CNTN5: variants seen among roughly 807,000 people sequenced by gnomAD.
The protein encoded by CNTN5 is contactin-5.
In CNTN5, 77 loss-of-function variants were observed where a neutral mutation model predicts 129.1. The ratio of observed to expected loss-of-function variants is 0.60; its 90% CI spans 0.50 to 0.72. The LOEUF is 0.72. CNTN5 is among the 30% of genes least tolerant of loss of function. The probability of loss-of-function intolerance (pLI) is 0.00; values close to 1 mark genes in which losing one functional copy is unlikely to be tolerated. For synonymous variants in CNTN5, 509 were observed against 465.6 expected, an observed-to-expected ratio of 1.09 and a Z score of -1.20; for missense variants, 1,478 against 1,328.8, an observed-to-expected ratio of 1.11 and a Z score of -1.75.
intron 9 of CNTN5, among the ~76,000 whole-genome samples, chr11:100,007,013 T>C (rs566050862): frequency 7.9e-5 from 12 of 152,228 alleles, no homozygotes; most frequent in Non-Finnish European, 1.6e-4. Context: ...GGTAATGAGA[T>C]GCATTGTCAA....
chr11:99,838,294 T>C (rs767784136), intron 4 of CNTN5, among the ~76,000 whole-genome samples: 4 of 152,216 alleles, frequency 2.6e-5, no homozygotes, highest in Non-Finnish European at 5.9e-5. Flanking sequence ...TTCTGAAAGC[T>C]TATGGCCCTA....
chr11:99,765,072 A>G (rs973591049), intron 3 of CNTN5, among the ~76,000 whole-genome samples: 2 of 152,082 alleles, frequency 1.3e-5, no homozygotes, highest in South Asian at 4.1e-4. Flanking sequence ...GCAGTTTTTT[A>G]CTTGTTAGAT....
At position 99,648,918 on chromosome 11, in the gene CNTN5, A is replaced by T. The variant is rs543290991; in HGVS notation, c.55+92649A>T. Among the ~76,000 whole-genome samples the T allele has an allele frequency of 2.6e-5, 4 of 151,876 alleles. No homozygotes were observed. The South Asian group carries it at 8.3e-4, about 31-fold the overall frequency. ...TTGAGAATGGTAGGAAGAAGCAGGGAGGGGGATAGGGAGAAATTTGTTAAA... is the reference window on the plus strand; with the variant it reads ...TTGAGAATGGTAGGAAGAAGCAGGGTGGGGGATAGGGAGAAATTTGTTAAA... On this transcript the variant is annotated intron_variant, in intron 3 of 24. Coordinates refer to ENST00000524871, the MANE Select transcript of CNTN5 (RefSeq NM_014361.4).
At chr11:100,043,791 C>A (rs905409417) in intron 9 of CNTN5, among the ~76,000 whole-genome samples, 3 of 152,142 alleles carry the variant, frequency 2.0e-5, no homozygotes, top group Non-Finnish European at 4.4e-5. Context: ...TGACTATGTT[C>A]TCTTAATACT....
At chr11:100,130,073 C>A (rs181325774) in intron 13 of CNTN5, among the ~76,000 whole-genome samples, 17 of 152,198 alleles carry the variant, frequency 1.1e-4, no homozygotes, top group African/African-American at 3.6e-4. Flanking sequence ...AAGCAAGTAA[C>A]CTCTGTTCTC....
intron 8 of CNTN5, among the ~76,000 whole-genome samples, chr11:99,959,123 C>A (rs967207426): frequency 2.6e-5 from 4 of 152,072 alleles, no homozygotes; most frequent in African/African-American, 9.7e-5. Context: ...TTGGCAAAAC[C>A]CCAACTCCAG....
intron 21 of CNTN5, among the ~76,000 whole-genome samples, chr11:100,330,088 A>G (rs1257119534): frequency 6.6e-6 from 1 of 152,200 alleles, no homozygotes; most frequent in East Asian, 1.9e-4. Context: ...ATGATACAGA[A>G]TGTGAAGGAG....
At chr11:100,182,914 A>AC (rs398039561) in intron 13 of CNTN5, among the ~76,000 whole-genome samples, 3 of 151,910 alleles carry the variant, frequency 2.0e-5, no homozygotes, top group South Asian at 2.1e-4. Context: ...TAAAAAAAAA[A>AC]CTCTAAATCT....
At chr11:100,278,492 A>G (rs1591467026) in intron 18 of CNTN5, among the ~76,000 whole-genome samples, 1 of 152,056 alleles carries the variant, frequency 6.6e-6, no homozygotes, top group East Asian at 1.9e-4. Context: ...GTATTGCATC[A>G]GTTTTACAGT....
At chr11:99,395,281 C>T (rs1022297309) in intron 2 of CNTN5, among the ~76,000 whole-genome samples, 2 of 151,938 alleles carry the variant, frequency 1.3e-5, no homozygotes, top group Non-Finnish European at 2.9e-5. Flanking sequence ...TTGCATTTCT[C>T]TAATGATCGG....
intron 15 of CNTN5, among the ~76,000 whole-genome samples, chr11:100,222,534 T>G (rs547973438): frequency 4.6e-5 from 7 of 152,070 alleles, no homozygotes; most frequent in Non-Finnish European, 8.8e-5. Flanking sequence ...AGTTATTAAT[T>G]ACAGGAATGT....
At chr11:99,372,092 G>A (rs1939862195) in intron 2 of CNTN5, among the ~76,000 whole-genome samples, 1 of 152,340 alleles carries the variant, frequency 6.6e-6, no homozygotes, top group Non-Finnish European at 1.5e-5. Flanking sequence ...GCTGAAACAA[G>A]CACAGCCTTC....
intron 12 of CNTN5, among the ~76,000 whole-genome samples, chr11:100,072,669 T>G (rs1386605413): frequency 6.6e-6 from 1 of 152,202 alleles, no homozygotes; most frequent in African/African-American, 2.4e-5. Flanking sequence ...ATCTCAGGAA[T>G]CTTGGAGCCC....
chr11:100,077,973 C>T (rs1944208102), intron 13 of CNTN5, among the ~76,000 whole-genome samples: 1 of 152,104 alleles, frequency 6.6e-6, no homozygotes, highest in Admixed American at 6.6e-5. Flanking sequence ...AAAATATAAT[C>T]TAATCATCTG....
chr11:99,609,319 C>T (rs1183529467), intron 3 of CNTN5, among the ~76,000 whole-genome samples: 2 of 152,114 alleles, frequency 1.3e-5, no homozygotes, highest in Non-Finnish European at 2.9e-5. Context: ...AGCAAGGATA[C>T]ACAGACCCCA....
rs553879499 is a variant in CNTN5 at position 99,958,924 on chromosome 11, T to C, written c.877+1915T>C. 4.3e-4 allele frequency among the ~76,000 whole-genome samples: 65 copies of C among 152,308 alleles called. No individual in the cohort carries two copies. In the South Asian group the frequency reaches 0.013, roughly 31 times the overall value. ...CACACCAGAGACCTCTTTCTACACA[T>C]TGCCGATCACAAGGGAGAGTAGCAC... is the stretch of plus-strand genomic sequence containing the variant. On this transcript the variant is annotated intron_variant, in intron 8 of 24. Transcript: ENST00000524871.
At chr11:99,556,382 A>G (rs1948665055) in intron 3 of CNTN5, 113 bp downstream of exon 3, 5 of 580,892 alleles carry the variant, frequency 8.6e-6, no homozygotes, top group Admixed American at 7.1e-5. Context: ...TTATATCAGT[A>G]TTTATACTTT....
chr11:99,890,126 T>C (rs1009131501), intron 6 of CNTN5, among the ~76,000 whole-genome samples: 4 of 152,244 alleles, frequency 2.6e-5, no homozygotes, highest in Admixed American at 2.0e-4. Flanking sequence ...ATGGGCAATA[T>C]ATTTGACATG....
chr11:99,082,290 A>G (rs1262731713), intron 1 of CNTN5, among the ~76,000 whole-genome samples: 2 of 150,878 alleles, frequency 1.3e-5, no homozygotes, highest in East Asian at 3.9e-4. Context: ...GGTTCAAGCT[A>G]TTCTCCTGCC....
Sources: allele counts gnomAD v4.1 joint callset (sites outside exome capture counted in the v4.1 genomes callset), GRCh38; gene constraint gnomAD v4.1.1; transcripts MANE v1.5; gene names NCBI Gene and HGNC (gene_info 2026-07-23, HGNC 2026-07-21).